MTHFD1L: variants seen among roughly 807,000 people sequenced by gnomAD.
MTHFD1L encodes the protein monofunctional C1-tetrahydrofolate synthase, mitochondrial.
In MTHFD1L, 81 loss-of-function variants were observed where a neutral mutation model predicts 119.5. The ratio of observed to expected loss-of-function variants is 0.68; its 90% CI spans 0.57 to 0.82. MTHFD1L has a LOEUF of 0.82. Among genes scored for constraint, MTHFD1L ranks in the 40% least tolerant of loss-of-function variants. The pLI is 0.00. For missense variants in MTHFD1L, 1,125 were observed against 1,253.4 expected (o/e 0.90, Z 1.55); for synonymous variants, 430 against 475.2 (o/e 0.90, Z 1.24).
chr6:151,069,172 C>T (rs1055783230), intron 26 of MTHFD1L, among the ~76,000 whole-genome samples: 1 of 152,066 alleles, frequency 6.6e-6, no homozygotes, highest in African/African-American at 2.4e-5. Flanking sequence ...GTACAGCCAC[C>T]TCAGCCTCAT....
chr6:150,934,255 C>T (rs1004040854), intron 11 of MTHFD1L, among the ~76,000 whole-genome samples: 1 of 152,194 alleles, frequency 6.6e-6, no homozygotes, highest in African/African-American at 2.4e-5. Context: ...TGAAGCATAG[C>T]ACCTCTCCTA....
At position 150,927,838 on chromosome 6, in the gene MTHFD1L, C is replaced by A. The variant is rs559414528; in HGVS notation, c.1256+1543C>A. ...CCCAGGATGAGGGTGGAGATCCCAT[C>A]TTACACATCTTCTGGCACCTCTAGT... On this transcript the variant is annotated intron_variant, in intron 11 of 27. Coordinates refer to ENST00000367321, the MANE Select transcript of MTHFD1L (RefSeq NM_015440.5). Among the ~76,000 whole-genome samples the A allele has an allele frequency of 3.1e-4, 47 of 152,170 alleles. 1 individual carries two copies. The highest frequency in any genetic ancestry group is 1.1e-3 in the African/African-American group (45 of 41,526).
intron 20 of MTHFD1L, among the ~76,000 whole-genome samples, chr6:151,007,553 A>G (rs1484668949): frequency 1.3e-5 from 2 of 152,160 alleles, no homozygotes; most frequent in African/African-American, 2.4e-5. Flanking sequence ...CCAACAAGGA[A>G]CTTGCCAAGG....
chr6:151,043,220 A>C (rs1297659661), intron 26 of MTHFD1L, among the ~76,000 whole-genome samples: 1 of 140,894 alleles, frequency 7.1e-6, no homozygotes, highest in Non-Finnish European at 1.5e-5. Flanking sequence ...GGAGTTGGAG[A>C]GGGGATAATT....
At chr6:150,935,965 C>G (rs1445188045) in intron 11 of MTHFD1L, among the ~76,000 whole-genome samples, 1 of 152,184 alleles carries the variant, frequency 6.6e-6, no homozygotes, top group Non-Finnish European at 1.5e-5. Flanking sequence ...GTAATAGGCT[C>G]TCTTCAATAC....
chr6:151,048,948 C>A (rs1484672939), intron 26 of MTHFD1L, among the ~76,000 whole-genome samples: 1 of 152,186 alleles, frequency 6.6e-6, no homozygotes, highest in East Asian at 1.9e-4. Flanking sequence ...CACTGTCTAC[C>A]TGGAGATGGT....
chr6:150,896,376 A>G (rs1328683965), intron 7 of MTHFD1L, among the ~76,000 whole-genome samples: 1 of 152,074 alleles, frequency 6.6e-6, no homozygotes, highest in African/African-American at 2.4e-5. Context: ...CTCCCCTTTC[A>G]GAGGGGATGG....
intron 26 of MTHFD1L, among the ~76,000 whole-genome samples, chr6:151,063,400 T>C (rs1455798231): frequency 6.6e-6 from 1 of 152,236 alleles, no homozygotes; most frequent in Non-Finnish European, 1.5e-5. Flanking sequence ...CTATCTCAGC[T>C]TCATTTATTG....
chr6:150,928,808 T>C (rs1790499940), intron 11 of MTHFD1L, among the ~76,000 whole-genome samples: 1 of 152,230 alleles, frequency 6.6e-6, no homozygotes, highest in Admixed American at 6.5e-5. Context: ...CCTTCCAAAG[T>C]GCTAGGATTA....
chr6:150,887,953 A>G lies in MTHFD1L; in HGVS notation c.752A>G (p.Gln251Arg). Reference protein sequence around the residue: ...QRKGSMTMSIQWKTRQLQSKL... With the variant: ...QRKGSMTMSIRWKTRQLQSKL... ...AAAGGGTCCATGACAATGAGCATCC[A>G]GTGGAAAACACGCCAGCTTCAAAGC... Residue 251 changes from glutamine (Q) to arginine (R), a missense_variant, in exon 7 of 28, where the codon CAG becomes CGG. Coordinates refer to ENST00000367321, the MANE Select transcript of MTHFD1L (RefSeq NM_015440.5). 2 of 1,606,834 alleles carry G rather than the reference A, an allele frequency of 1.2e-6. No homozygotes were observed. Among genetic ancestry groups the G allele is most frequent in the Non-Finnish European group, 1.7e-6 (2 of 1,177,268 alleles).
intron 26 of MTHFD1L, among the ~76,000 whole-genome samples, chr6:151,088,595 G>A (rs1056043082): frequency 6.6e-6 from 1 of 151,000 alleles, no homozygotes; most frequent in African/African-American, 2.4e-5. Context: ...TAGCTAAAAC[G>A]ACGGGTGCTC....
In MTHFD1L at chr6:150,865,901, GT is replaced by G; in HGVS notation, c.80del (p.Val27GlyfsTer60). The G allele has an allele frequency of 8.4e-7, 1 of 1,194,416 alleles. No individual in the cohort carries two copies. The highest frequency in any genetic ancestry group is 1.0e-6 in the Non-Finnish European group (1 of 966,712). 74.0% of individuals were successfully genotyped at this position (1,194,416 alleles called of 1,614,324 possible). A position where few individuals can be genotyped will look rare whatever the true frequency, so the allele number is the denominator to read the frequency against. ...QPPGPPRRLRVPCRASSGGGG... is the reference protein window; with the variant it reads ...QPPGPPRRLRXPCRASSGGGG... Reference sequence around the variant, plus strand: ...CCCGGGCCCTCCGCGCCGCCTCCGTGTGCCCTGTCGCGCTAGCAGCGGCGGC... The same window carrying G: ...CCCGGGCCCTCCGCGCCGCCTCCGTGGCCCTGTCGCGCTAGCAGCGGCGGC... On this transcript the variant is annotated frameshift_variant, in exon 1 of 28. Coordinates refer to ENST00000367321, the MANE Select transcript of MTHFD1L (RefSeq NM_015440.5). LOFTEE classifies it high-confidence loss of function.
At chr6:151,072,231 AATTT>A (rs1792031666) in intron 26 of MTHFD1L, among the ~76,000 whole-genome samples, 1 of 152,190 alleles carries the variant, frequency 6.6e-6, no homozygotes, top group Admixed American at 6.5e-5. Context: ...AAATGAATGA[AATTT>A]TGGCTCTAGG....
chr6:151,024,369 T>C (rs373444297), intron 24 of MTHFD1L, among the ~76,000 whole-genome samples: 3 of 151,942 alleles, frequency 2.0e-5, no homozygotes, highest in South Asian at 4.1e-4. Context: ...GCAGATCCTG[T>C]CTCTACTAAA....
chr6:151,065,175 C>T (rs982368834), intron 26 of MTHFD1L, among the ~76,000 whole-genome samples: 13 of 152,174 alleles, frequency 8.5e-5, no homozygotes, highest in Non-Finnish European at 1.6e-4. Context: ...TTAGGAGTAT[C>T]TGGCATGCCA....
chr6:150,945,427 C>G, intron 14 of MTHFD1L, 40 bp from the exon 15 acceptor site: 1 of 1,540,960 alleles, frequency 6.5e-7, no homozygotes, highest in Non-Finnish European at 8.9e-7. Flanking sequence ...TCATGGACAA[C>G]TAACTTTTGT....
chr6:151,010,046 A>G, intron 21 of MTHFD1L, 88 bp downstream of exon 21: 2 of 1,430,342 alleles, frequency 1.4e-6, no homozygotes, highest in Non-Finnish European at 1.8e-6. Flanking sequence ...TGCCCATTTA[A>G]TGACTATAGT....
intron 20 of MTHFD1L, among the ~76,000 whole-genome samples, chr6:151,002,521 C>T (rs1282219369): frequency 6.6e-6 from 1 of 152,230 alleles, no homozygotes; most frequent in Non-Finnish European, 1.5e-5. Context: ...GCCGCCCATG[C>T]TGCCCCATGT....
At chr6:150,948,989 T>C (rs1794467292) in intron 15 of MTHFD1L, 42 bp from the exon 16 acceptor site, 1 of 1,529,462 alleles carries the variant, frequency 6.5e-7, no homozygotes, top group East Asian at 2.3e-5. Flanking sequence ...TTGCTTTCTG[T>C]TTCTTCTCAA....
Sources: allele counts gnomAD v4.1 joint callset (sites outside exome capture counted in the v4.1 genomes callset), GRCh38; gene constraint gnomAD v4.1.1; transcripts MANE v1.5; gene names NCBI Gene and HGNC (gene_info 2026-07-23, HGNC 2026-07-21).